Variants in AK8 observed in about 807,000 individuals in gnomAD.
AK8 encodes the protein adenylate kinase 8.
In AK8, 44 loss-of-function variants were observed where a neutral mutation model predicts 54.6. The ratio of observed to expected loss-of-function variants is 0.81; its 90% CI spans 0.63 to 1.04. The LOEUF (loss-of-function observed/expected upper bound fraction) is 1.04. AK8 is among the 50% of genes least tolerant of loss of function. The probability of loss-of-function intolerance (pLI) is 0.00; values close to 1 mark genes in which losing one functional copy is unlikely to be tolerated. For synonymous variants in AK8, 239 were observed against 245.6 expected (o/e 0.97, Z 0.25); for missense variants, 555 against 613.6 (o/e 0.90, Z 1.01).
chr9:132,803,904 G>A lies in AK8; in HGVS notation c.979+10734C>T, dbSNP rs758924431. 6.6e-6 allele frequency among the ~76,000 whole-genome samples: 1 copy of A among 152,098 alleles called. No individual in the cohort carries two copies. Among genetic ancestry groups the A allele is most frequent in the Non-Finnish European group, 1.5e-5 (1 of 68,016 alleles). ...AGGCTGGCGGATCACGAGGTCAAGA[G>A]ATGGAGACCTGGCCAATATGGTGAA... is the stretch of plus-strand genomic sequence containing the variant. On this transcript the variant is annotated intron_variant, in intron 10 of 12. Transcript: ENST00000298545. The surrounding 1 kb of genome is among the most constrained non-coding windows in gnomAD (Gnocchi z 4.4).
At chr9:132,777,281 G>C (rs542142322) in intron 11 of AK8, among the ~76,000 whole-genome samples, 1 of 152,116 alleles carries the variant, frequency 6.6e-6, no homozygotes, top group Non-Finnish European at 1.5e-5. Flanking sequence ...GCCCCTATTG[G>C]TGCCAGTTGT....
chr9:132,746,679 A>G (rs1210899767), intron 11 of AK8, among the ~76,000 whole-genome samples: 1 of 152,190 alleles, frequency 6.6e-6, no homozygotes, highest in Non-Finnish European at 1.5e-5. Context: ...CGCAGTGGAC[A>G]GTGTGCTGTC....
intron 2 of AK8, among the ~76,000 whole-genome samples, chr9:132,867,308 T>A (rs1004968609): frequency 2.6e-5 from 4 of 152,240 alleles, no homozygotes; most frequent in African/African-American, 9.6e-5. Flanking sequence ...CTGTAATTTA[T>A]GCAAATCGAC....
intron 10 of AK8, among the ~76,000 whole-genome samples, chr9:132,811,062 G>A (rs1840982486): frequency 6.6e-6 from 1 of 152,106 alleles, no homozygotes. Context: ...ATGAAAATAC[G>A]TTCAACTTTA....
intron 5 of AK8, among the ~76,000 whole-genome samples, chr9:132,853,438 A>G (rs1843049931): frequency 6.6e-6 from 1 of 152,114 alleles, no homozygotes; most frequent in Non-Finnish European, 1.5e-5. Flanking sequence ...AGAGAAAAAA[A>G]TGATGCATTA....
At position 132,770,017 on chromosome 9, in the gene AK8, T is replaced by C. The variant is rs1275173492; in HGVS notation, c.1121+22617A>G. On this transcript the variant is annotated intron_variant, in intron 11 of 12. Coordinates refer to ENST00000298545, the MANE Select transcript of AK8 (RefSeq NM_152572.3). This position sits in a 1 kb window ranked among gnomAD's most constrained non-coding sequence, Gnocchi z 4.3. ...ATTGTTGAGCGGAGAGGGGGACTGC[T>C]CCCAGGGCTCCAGGCGAAGAGGGGC... The C allele has an allele frequency of 6.6e-6, 1 of 152,008 alleles. No homozygotes were observed. Among genetic ancestry groups the C allele is most frequent in the African/African-American group, 2.4e-5 (1 of 41,370 alleles). 9.4% of individuals were successfully genotyped at this position (152,008 alleles called of 1,614,324 possible).
chr9:132,834,590 T>G (rs1460842241), intron 5 of AK8, among the ~76,000 whole-genome samples: 1 of 152,204 alleles, frequency 6.6e-6, no homozygotes, highest in Non-Finnish European at 1.5e-5. Flanking sequence ...TTGCTCTGAT[T>G]CCTCCACCTG....
intron 1 of AK8, among the ~76,000 whole-genome samples, chr9:132,876,901 T>C (rs1379526053): frequency 6.6e-6 from 1 of 151,040 alleles, no homozygotes; most frequent in African/African-American, 2.4e-5. Flanking sequence ...TGTACTAAAA[T>C]TAAAAAAAAA....
intron 11 of AK8, among the ~76,000 whole-genome samples, chr9:132,734,203 T>G (rs557789244): frequency 1.3e-5 from 2 of 152,208 alleles, no homozygotes; most frequent in African/African-American, 4.8e-5. Context: ...CAGGCACCCC[T>G]TCCCCCAAGA....
chr9:132,835,652 T>C (rs547654169), intron 5 of AK8, among the ~76,000 whole-genome samples: 1 of 152,292 alleles, frequency 6.6e-6, no homozygotes, highest in South Asian at 2.1e-4. Flanking sequence ...ATGTGAATAA[T>C]CAAAATCTAG....
In AK8 at chr9:132,803,787, C is replaced by T. The variant is rs984424453; in HGVS notation, c.979+10851G>A. Reference sequence around the variant, plus strand: ...AATCCTTCAGGCTGCATGCTGCCCCCTGTGACCTGTCTCCTCTTTGTTCCT... The same window carrying T: ...AATCCTTCAGGCTGCATGCTGCCCCTTGTGACCTGTCTCCTCTTTGTTCCT... On this transcript the variant is annotated intron_variant, in intron 10 of 12. Transcript: ENST00000298545. This position sits in a 1 kb window ranked among gnomAD's most constrained non-coding sequence, Gnocchi z 4.4. 1.3e-5 allele frequency among the ~76,000 whole-genome samples: 2 copies of T among 152,142 alleles called. No homozygotes were observed. Among genetic ancestry groups the T allele is most frequent in the African/African-American group, 2.4e-5 (1 of 41,422 alleles).
chr9:132,782,337 G>C (rs1192800786), intron 11 of AK8, among the ~76,000 whole-genome samples: 3 of 152,086 alleles, frequency 2.0e-5, no homozygotes, highest in South Asian at 4.2e-4. Context: ...CTTCTTTAAA[G>C]TGATTGTTCT....
At chr9:132,814,304 A>G (rs960983264) in intron 10 of AK8, among the ~76,000 whole-genome samples, 3 of 138,128 alleles carry the variant, frequency 2.2e-5, no homozygotes, top group African/African-American at 7.9e-5. Context: ...AAAAAAAAAA[A>G]AAAAGGATGT....
chr9:132,838,503 C>T (rs1842414594), intron 5 of AK8, among the ~76,000 whole-genome samples: 1 of 152,208 alleles, frequency 6.6e-6, no homozygotes, highest in Non-Finnish European at 1.5e-5. Flanking sequence ...CATCAGAGAC[C>T]TGACTCCAGG....
chr9:132,734,091 T>G (rs1039738448), intron 11 of AK8, among the ~76,000 whole-genome samples: 1 of 152,190 alleles, frequency 6.6e-6, no homozygotes, highest in African/African-American at 2.4e-5. Flanking sequence ...CCTCAGTGAT[T>G]TGTAGGCACA....
intron 11 of AK8, among the ~76,000 whole-genome samples, chr9:132,773,813 A>G (rs545092118): frequency 2.6e-5 from 4 of 152,312 alleles, no homozygotes; most frequent in Non-Finnish European, 5.9e-5. Flanking sequence ...GGGCAAGAAG[A>G]GGCATCAGGG....
chr9:132,736,356 T>G (rs1259239571), intron 11 of AK8, among the ~76,000 whole-genome samples: 2 of 151,750 alleles, frequency 1.3e-5, no homozygotes, highest in Non-Finnish European at 2.9e-5. Flanking sequence ...CCAGCTAATT[T>G]TTTGTATTTT....
chr9:132,847,937 C>T (rs1338376855), intron 5 of AK8, among the ~76,000 whole-genome samples: 6 of 151,760 alleles, frequency 4.0e-5, no homozygotes, highest in Non-Finnish European at 5.9e-5. Flanking sequence ...CATTGGGAGA[C>T]CACGACTCTA....
At chr9:132,869,664 G>A (rs1843731391) in intron 2 of AK8, among the ~76,000 whole-genome samples, 1 of 152,258 alleles carries the variant, frequency 6.6e-6, no homozygotes, top group Non-Finnish European at 1.5e-5. Context: ...CCCTCCCCAT[G>A]GGTGAGAGAA....
Sources: allele counts gnomAD v4.1 joint callset (sites outside exome capture counted in the v4.1 genomes callset), GRCh38; gene constraint gnomAD v4.1.1; non-coding constraint Gnocchi (gnomAD v3.1); transcripts MANE v1.5; gene names NCBI Gene and HGNC (gene_info 2026-07-23, HGNC 2026-07-21).